The following RABGAP1L variants were observed in gnomAD, a reference collection of about 807,000 sequenced individuals.
RABGAP1L encodes rab GTPase-activating protein 1-like.
A neutral mutation model predicts 137.7 loss-of-function variants in RABGAP1L; 63 were observed. That is an observed-to-expected ratio of 0.46 (90% CI 0.37 to 0.56). The LOEUF (loss-of-function observed/expected upper bound fraction) is 0.56, where lower values mean the gene tolerates loss of function less well. RABGAP1L is among the 20% of genes least tolerant of loss of function. The pLI, the probability that RABGAP1L is intolerant of heterozygous loss-of-function variation, is 0.00. For missense variants in RABGAP1L, 1,095 were observed against 1,244.0 expected (o/e 0.88, Z 1.80); for synonymous variants, 431 against 433.7 (o/e 0.99, Z 0.08).
chr1:174,647,377 G>A (rs1675058597), intron 14 of RABGAP1L, among the ~76,000 whole-genome samples: 1 of 152,096 alleles, frequency 6.6e-6, no homozygotes. Context: ...TTTGAGATAT[G>A]CTCCACCAAT....
At chr1:174,356,848 A>G (rs1464317391) in intron 11 of RABGAP1L, among the ~76,000 whole-genome samples, 3 of 152,212 alleles carry the variant, frequency 2.0e-5, no homozygotes, top group Non-Finnish European at 2.9e-5. Context: ...TCAAAGAATG[A>G]CAGCTAACAC....
chr1:174,993,013 A>C lies in RABGAP1L; in HGVS notation c.*3012A>C. On this transcript the variant is annotated 3_prime_UTR_variant, in exon 26 of 26. Coordinates refer to ENST00000681986, the MANE Select transcript of RABGAP1L (RefSeq NM_001366446.1). ...CTATTTTCATTAAATTCTGTGGAAA[A>C]AATTAAATGAATGAAATTCAACTTC... 6.6e-6 allele frequency: 1 copy of C among 152,210 alleles called. No homozygotes were observed. The highest frequency in any genetic ancestry group is 2.1e-4 in the South Asian group (1 of 4,826). The allele number at this position is 152,210 out of a possible 1,614,324, so 9.4% of individuals were successfully genotyped here. A position where few individuals can be genotyped will look rare whatever the true frequency, so the allele number is the denominator to read the frequency against.
At chr1:174,957,668 C>T (rs1412075793) in intron 20 of RABGAP1L, 119 bp downstream of exon 20, 2 of 983,188 alleles carry the variant, frequency 2.0e-6, no homozygotes, top group African/African-American at 3.3e-5. Context: ...CCTCCCACTC[C>T]AGTCTCCCAA....
chr1:174,176,121 A>T (rs1665828816), intron 1 of RABGAP1L, among the ~76,000 whole-genome samples: 1 of 151,952 alleles, frequency 6.6e-6, no homozygotes, highest in African/African-American at 2.4e-5. Flanking sequence ...CCTCATATGT[A>T]GCTTGTAAAG....
chr1:174,454,679 A>C (rs1178633614), intron 13 of RABGAP1L, among the ~76,000 whole-genome samples: 3 of 150,746 alleles, frequency 2.0e-5, no homozygotes, highest in Non-Finnish European at 4.4e-5. Flanking sequence ...CCTCCCGAGT[A>C]GCTGAGACTA....
intron 14 of RABGAP1L, among the ~76,000 whole-genome samples, chr1:174,647,460 A>G (rs1262931052): frequency 6.6e-6 from 1 of 152,124 alleles, no homozygotes; most frequent in Non-Finnish European, 1.5e-5. Context: ...ATCTATTGAG[A>G]TAATCATGTG....
At chr1:174,636,388 C>T (rs917613065) in intron 13 of RABGAP1L, among the ~76,000 whole-genome samples, 2 of 151,940 alleles carry the variant, frequency 1.3e-5, no homozygotes, top group African/African-American at 2.4e-5. Flanking sequence ...AATAGCTGGG[C>T]GTGGTGGCGG....
At chr1:174,211,265 AAT>A (rs1313997812) in intron 1 of RABGAP1L, among the ~76,000 whole-genome samples, 3 of 152,140 alleles carry the variant, frequency 2.0e-5, no homozygotes, top group African/African-American at 4.8e-5. Context: ...ACCAATAAAA[AAT>A]AATAACTGCA....
At chr1:174,244,639 A>G (rs1238475614) in intron 5 of RABGAP1L, 1 of 152,194 alleles carries the variant, frequency 6.6e-6, no homozygotes, top group Non-Finnish European at 1.5e-5. Context: ...TGATCTTTGT[A>G]TAAGGAGAAT....
chr1:174,872,998 AAC>A (rs1263028601), intron 19 of RABGAP1L, among the ~76,000 whole-genome samples: 1 of 152,176 alleles, frequency 6.6e-6, no homozygotes, highest in African/African-American at 2.4e-5. Flanking sequence ...ATGCAGGAGG[AAC>A]AGTTTCTCCA....
chr1:174,193,845 ATT>A (rs1667380281), intron 1 of RABGAP1L, among the ~76,000 whole-genome samples: 1 of 152,204 alleles, frequency 6.6e-6, no homozygotes, highest in Non-Finnish European at 1.5e-5. Flanking sequence ...AAAACATGAT[ATT>A]TTGATATACA....
intron 13 of RABGAP1L, among the ~76,000 whole-genome samples, chr1:174,530,476 G>C (rs1051133347): frequency 6.6e-6 from 1 of 152,234 alleles, no homozygotes; most frequent in Middle Eastern, 3.4e-3. Context: ...GTTACCCTCT[G>C]TTAGTTTCAG....
intron 14 of RABGAP1L, among the ~76,000 whole-genome samples, chr1:174,647,057 T>C (rs1221428123): frequency 6.6e-6 from 1 of 152,208 alleles, no homozygotes; most frequent in East Asian, 1.9e-4. Flanking sequence ...ACATTGATTT[T>C]GTATCCTGAG....
In RABGAP1L at chr1:174,368,241, G is replaced by T. The variant is rs566524802; in HGVS notation, c.1466-2738G>T. Among the ~76,000 whole-genome samples the T allele has an allele frequency of 5.3e-5, 8 of 152,262 alleles. No individual in the cohort carries two copies. In the East Asian group the frequency reaches 1.4e-3, roughly 26 times the overall value. On this transcript the variant is annotated intron_variant, in intron 11 of 25. Transcript: ENST00000681986. ...ATACTCTTGAATATACCATAATTTA[G>T]TTAGTAAAACATATTGATGGATTGC...
At chr1:174,883,290 A>G (rs1368537158) in intron 19 of RABGAP1L, among the ~76,000 whole-genome samples, 3 of 152,226 alleles carry the variant, frequency 2.0e-5, no homozygotes, top group Non-Finnish European at 2.9e-5. Flanking sequence ...GAGCACTTGT[A>G]AAGTATTTAG....
chr1:174,969,413 T>A (rs916445403), intron 21 of RABGAP1L, 26 bp downstream of exon 21: 3 of 1,513,594 alleles, frequency 2.0e-6, no homozygotes, highest in Middle Eastern at 1.7e-4. Context: ...GAGACTGTGA[T>A]GACTTCCTCA....
At chr1:174,348,959 CAAT>C (rs2148915196) in intron 11 of RABGAP1L, among the ~76,000 whole-genome samples, 1 of 152,238 alleles carries the variant, frequency 6.6e-6, no homozygotes, top group Non-Finnish European at 1.5e-5. Flanking sequence ...GGCCCGTTCT[CAAT>C]GAGCTGTTGG....
chr1:174,944,362 G>A (rs564477331), intron 19 of RABGAP1L, among the ~76,000 whole-genome samples: 43 of 150,364 alleles, frequency 2.9e-4, no homozygotes, highest in Non-Finnish European at 6.0e-4. Flanking sequence ...AGCAATTCAA[G>A]GCCAGGTGTA....
At chr1:174,286,884 TGTGGTCAGAAAA>T (rs1406537128) in intron 10 of RABGAP1L, among the ~76,000 whole-genome samples, 1 of 152,178 alleles carries the variant, frequency 6.6e-6, no homozygotes, top group African/African-American at 2.4e-5. Flanking sequence ...TTTATACCAT[TGTGGTCAGAAAA>T]GATACATGAT....
Sources: allele counts gnomAD v4.1 joint callset (sites outside exome capture counted in the v4.1 genomes callset), GRCh38; gene constraint gnomAD v4.1.1; transcripts MANE v1.5; gene names NCBI Gene and HGNC (gene_info 2026-07-23, HGNC 2026-07-21).